Variants in LRP1B observed in about 807,000 individuals in gnomAD.
LRP1B encodes low-density lipoprotein receptor-related protein 1B.
Under a neutral mutation model 556.6 loss-of-function variants are expected in LRP1B, and 217 were observed. That is an observed-to-expected ratio of 0.39 (90% CI 0.35 to 0.44). The LOEUF is 0.44. Ranked by LOEUF, LRP1B falls within the 20% of genes least tolerant of loss-of-function variation. The pLI, the probability that LRP1B is intolerant of heterozygous loss-of-function variation, is 1.00. For missense variants in LRP1B, 5,053 were observed against 5,620.8 expected (o/e 0.90, Z 3.23); for synonymous variants, 2,047 against 1,865.8 (o/e 1.10, Z -2.50).
At chr2:140,306,208 G>T (rs1335450123) in intron 83 of LRP1B, among the ~76,000 whole-genome samples, 1 of 151,580 alleles carries the variant, frequency 6.6e-6, no homozygotes, top group African/African-American at 2.4e-5. Flanking sequence ...CTATTGATTG[G>T]AATAGTTTCA....
chr2:141,872,082 T>TAC (rs1253236466), intron 1 of LRP1B, among the ~76,000 whole-genome samples: 2 of 151,848 alleles, frequency 1.3e-5, no homozygotes, highest in Non-Finnish European at 2.9e-5. Flanking sequence ...GAGATTTAGC[T>TAC]ACCCTTCAGC....
chr2:140,538,016 G>C (rs924425870), intron 45 of LRP1B, among the ~76,000 whole-genome samples: 1 of 152,012 alleles, frequency 6.6e-6, no homozygotes, highest in African/African-American at 2.4e-5. Flanking sequence ...AATTATGTTG[G>C]AGGTAAGTAG....
At position 141,639,329 on chromosome 2, in the gene LRP1B, T is replaced by TAC. The variant is rs1689229669; in HGVS notation, c.206-158797_206-158796insGT. The stretch of plus-strand genomic sequence containing the variant: ...GTATATATATATATATATATATATA[T>TAC]ATATATATATATATATATATACACA... On this transcript the variant is annotated intron_variant, in intron 2 of 90. Transcript: ENST00000389484. Among the ~76,000 whole-genome samples, 2 of 23,302 alleles carry TAC rather than the reference T, an allele frequency of 8.6e-5. 1 individual carries two copies. The highest frequency in any genetic ancestry group is 1.9e-4 in the Non-Finnish European group (2 of 10,262). 15.3% of individuals were successfully genotyped at this position (23,302 alleles called of 152,430 possible). A position where few individuals can be genotyped will look rare whatever the true frequency, so the allele number is the denominator to read the frequency against.
chr2:140,908,808 T>C (rs1186418608), intron 21 of LRP1B, among the ~76,000 whole-genome samples: 1 of 152,184 alleles, frequency 6.6e-6, no homozygotes, highest in Non-Finnish European at 1.5e-5. Flanking sequence ...TTTTGTTTTG[T>C]TTTGTTTTGT....
intron 1 of LRP1B, among the ~76,000 whole-genome samples, chr2:142,104,955 A>G (rs1706695110): frequency 6.6e-6 from 1 of 152,128 alleles, no homozygotes; most frequent in Non-Finnish European, 1.5e-5. Flanking sequence ...TCCAGACACT[A>G]CACATCAGAT....
intron 60 of LRP1B, among the ~76,000 whole-genome samples, chr2:140,468,720 T>G (rs895568963): frequency 5.9e-5 from 9 of 152,264 alleles, no homozygotes; most frequent in African/African-American, 2.2e-4. Flanking sequence ...ATATTAATGC[T>G]TTCTCTACAG....
rs369754138 is a variant in LRP1B, at chr2:140,799,362, G to A, written c.5359+14295C>T. 2.8e-4 allele frequency among the ~76,000 whole-genome samples: 42 copies of A among 152,090 alleles called. 2 individuals carry two copies. The highest frequency in any genetic ancestry group is 1.0e-3 in the South Asian group (5 of 4,808). On this transcript the variant is annotated intron_variant, in intron 32 of 90. Coordinates refer to ENST00000389484, the MANE Select transcript of LRP1B (RefSeq NM_018557.3). ...TCTCCTTCTTGATGTGTAAGAACCCGTCAAGAAGGCTATAAAGCAGGAAGA... is the reference window on the plus strand; with the variant it reads ...TCTCCTTCTTGATGTGTAAGAACCCATCAAGAAGGCTATAAAGCAGGAAGA...
rs2105428501 is a variant in LRP1B at position 140,702,204 on chromosome 2, G to T, written c.6239C>A (p.Ser2080Ter). Residue 2080 changes from serine to a stop codon, truncating the protein, a stop_gained, in exon 39 of 91, where the codon TCA (serine) becomes TAA (stop). Coordinates refer to ENST00000389484, the MANE Select transcript of LRP1B (RefSeq NM_018557.3). LOFTEE classifies it high-confidence loss of function. The stretch of plus-strand genomic sequence containing the variant: ...TGAAAACATATCCACATTGCTTCCT[G>T]ACAGCACCATCTCGCGATTCCCTCC... ...ETGGNREMVL[S>*]GSNVDMFSVA... 6.2e-7 allele frequency: 1 copy of T among 1,613,724 alleles called. No homozygotes were observed. Among genetic ancestry groups the T allele is most frequent in the Non-Finnish European group, 8.5e-7 (1 of 1,179,782 alleles).
chr2:141,654,979 GT>G (rs1045808092), intron 2 of LRP1B, among the ~76,000 whole-genome samples: 4 of 152,052 alleles, frequency 2.6e-5, no homozygotes, highest in Non-Finnish European at 4.4e-5. Context: ...TTACTCTGTA[GT>G]TTTTGCAATT....
At chr2:141,933,294 T>C (rs1574504853) in intron 1 of LRP1B, among the ~76,000 whole-genome samples, 1 of 151,966 alleles carries the variant, frequency 6.6e-6, no homozygotes. Flanking sequence ...ACTGAAAATA[T>C]GAAAAATAAC....
At chr2:140,589,014 T>G (rs2105160232) in intron 43 of LRP1B, among the ~76,000 whole-genome samples, 1 of 150,846 alleles carries the variant, frequency 6.6e-6, no homozygotes, top group Non-Finnish European at 1.5e-5. Flanking sequence ...AAGTGGACCT[T>G]GACCTAAGTT....
intron 77 of LRP1B, among the ~76,000 whole-genome samples, chr2:140,347,463 CAA>C (rs71408450): frequency 2.2e-5 from 3 of 135,862 alleles, no homozygotes. Flanking sequence ...TCACAATTTC[CAA>C]AAAAAAAAAA....
chr2:141,960,465 G>A (rs769600477), intron 1 of LRP1B, among the ~76,000 whole-genome samples: 6 of 151,700 alleles, frequency 4.0e-5, no homozygotes, highest in East Asian at 1.9e-4. Context: ...ACATATTATC[G>A]TGTATTTGCA....
intron 68 of LRP1B, among the ~76,000 whole-genome samples, chr2:140,377,477 G>A (rs1162459919): frequency 1.3e-5 from 2 of 152,028 alleles, no homozygotes; most frequent in Admixed American, 6.6e-5. Context: ...TGAGAGCTTG[G>A]GGTCCTTTTA....
chr2:140,371,663 C>T (rs974596189), intron 69 of LRP1B, among the ~76,000 whole-genome samples: 1 of 151,186 alleles, frequency 6.6e-6, no homozygotes, highest in Admixed American at 6.6e-5. Context: ...TTGAAGTCTC[C>T]AAATACTTTC....
chr2:141,117,343 T>C (rs1234937984), intron 7 of LRP1B, among the ~76,000 whole-genome samples: 4 of 151,866 alleles, frequency 2.6e-5, no homozygotes, highest in Non-Finnish European at 5.9e-5. Context: ...TCACTTTTAG[T>C]GGAGTTTCTT....
chr2:141,052,169 T>C (rs1699054244), intron 10 of LRP1B, among the ~76,000 whole-genome samples: 1 of 152,028 alleles, frequency 6.6e-6, no homozygotes, highest in Non-Finnish European at 1.5e-5. Context: ...ATAAAGTACC[T>C]TAACATCCTT....
intron 69 of LRP1B, 50 bp from the exon 70 acceptor site, chr2:140,371,335 T>G: frequency 2.0e-6 from 2 of 1,003,200 alleles, no homozygotes; most frequent in South Asian, 1.7e-5. Context: ...AATAACAGGT[T>G]TTAGAAATAA....
At chr2:141,390,467 A>G (rs1394883145) in intron 3 of LRP1B, among the ~76,000 whole-genome samples, 1 of 152,250 alleles carries the variant, frequency 6.6e-6, no homozygotes, top group Non-Finnish European at 1.5e-5. Context: ...GTTTAAAACA[A>G]GTACTCAAAC....
Sources: gnomAD v4.1 joint callset for allele counts (sites outside exome capture counted in the v4.1 genomes callset) on GRCh38, gnomAD v4.1.1 for gene constraint, MANE v1.5 for transcripts, NCBI Gene and HGNC (gene_info 2026-07-23, HGNC 2026-07-21) for gene names.